Variants in DCLRE1A observed in about 807,000 individuals in gnomAD.
The protein encoded by DCLRE1A is DNA cross-link repair 1A, also known as DNA cross-link repair 1A protein.
A neutral mutation model predicts 91.9 loss-of-function variants in DCLRE1A; 64 were observed. The observed-to-expected ratio is 0.70, with a 90% CI of 0.57 to 0.86. The LOEUF (loss-of-function observed/expected upper bound fraction) is 0.86. Ranked by LOEUF, DCLRE1A falls within the 40% of genes least tolerant of loss-of-function variation. The pLI, the probability that DCLRE1A is intolerant of heterozygous loss-of-function variation, is 0.00. For synonymous variants in DCLRE1A, 416 were observed against 431.1 expected, an observed-to-expected ratio of 0.96 and a Z score of 0.43; for missense variants, 1,145 against 1,213.3, an observed-to-expected ratio of 0.94 and a Z score of 0.84.
At position 113,849,504 on chromosome 10, in the gene DCLRE1A, T is replaced by A; in HGVS notation, c.1601A>T (p.Tyr534Phe). The A allele has an allele frequency of 1.2e-6, 2 of 1,614,008 alleles. No homozygotes were observed. The highest frequency in any genetic ancestry group is 1.7e-6 in the Non-Finnish European group (2 of 1,180,024). ...ENLSSTPAPK[Y>F]LKILPSGLKY... ...AAGACCAGAAGGCAATATTTTCAAA[T>A]ACTTCGGAGCAGGTGTACTAGACAA... is the stretch of plus-strand genomic sequence containing the variant. The change falls in exon 2 of 9, where the codon TAT becomes TTT. Residue 534 changes from tyrosine (Y) to phenylalanine (F), a missense_variant. Tyr to Phe is a conservative substitution (Grantham distance 22). Transcript: ENST00000361384.
At chr10:113,844,690 C>G (rs1008370046) in intron 4 of DCLRE1A, among the ~76,000 whole-genome samples, 1 of 152,110 alleles carries the variant, frequency 6.6e-6, no homozygotes, top group African/African-American at 2.4e-5. Flanking sequence ...AATCCCAGCA[C>G]TTTGGGAGGC....
intron 6 of DCLRE1A, 98 bp from the exon 7 acceptor site, chr10:113,841,658 A>C: frequency 7.8e-7 from 1 of 1,283,204 alleles, no homozygotes; most frequent in Non-Finnish European, 1.1e-6. Context: ...ACCAAATAAA[A>C]GGAAATTCAA....
chr10:113,849,150 C>A lies in DCLRE1A; in HGVS notation c.1955G>T (p.Arg652Ile). 3.1e-6 allele frequency: 5 copies of A among 1,614,098 alleles called. No homozygotes were observed. Among genetic ancestry groups the A allele is most frequent in the Non-Finnish European group, 4.2e-6 (5 of 1,180,012 alleles). The change falls in exon 2 of 9, where the codon AGA becomes ATA. Residue 652 changes from arginine (R) to isoleucine (I), a missense_variant. By Grantham distance (97) the Arg-to-Ile change is moderately conservative (BLOSUM62 -3). Coordinates refer to ENST00000361384, the MANE Select transcript of DCLRE1A (RefSeq NM_014881.5). ...TTCTGTATTAATAAGGTGATCTGAT[C>A]TCTTCTGACACGCTCCTTCCTGCAG... ...NSLQEGACQK[R>I]SDHLINTESE...
In DCLRE1A at chr10:113,841,528, T is replaced by C. The variant is rs1345257093; in HGVS notation, c.2698A>G (p.Met900Val). 1 of 1,611,792 alleles carries C rather than the reference T, an allele frequency of 6.2e-7. No individual in the cohort carries two copies. Among genetic ancestry groups the C allele is most frequent in the South Asian group, 1.1e-5 (1 of 90,538 alleles). ...AGAGTTTTATATTTTTCCTGGGACA[T>C]GCCCACTTTTGAACCTAAAACATCA... ...IADVLGSKVG[M>V]SQEKYKTLQC... is the part of the protein sequence containing the mutation. The change falls in exon 7 of 9, where the codon ATG (methionine) becomes GTG (valine). Residue 900 changes from methionine to valine, a missense_variant. Coordinates refer to ENST00000361384, the MANE Select transcript of DCLRE1A (RefSeq NM_014881.5).
intron 7 of DCLRE1A, among the ~76,000 whole-genome samples, chr10:113,839,364 A>T: frequency 6.6e-6 from 1 of 151,644 alleles, no homozygotes; most frequent in South Asian, 2.1e-4. Context: ...ATCTTCCGAA[A>T]ATATTTGGGT....
intron 8 of DCLRE1A, among the ~76,000 whole-genome samples, chr10:113,836,592 A>G (rs1845366283): frequency 6.6e-6 from 1 of 152,144 alleles, no homozygotes; most frequent in Admixed American, 6.5e-5. Context: ...GGCTGAGGGT[A>G]AATCACTGGT....
chr10:113,836,998 C>T (rs957719578), intron 8 of DCLRE1A, 64 bp downstream of exon 8: 1 of 1,400,850 alleles, frequency 7.1e-7, no homozygotes, highest in African/African-American at 1.5e-5. Context: ...AACCTTATTA[C>T]ATTTTTTAAA....
upstream of DCLRE1A, chr10:113,854,225 G>C (rs1021048250): frequency 3.9e-5 from 6 of 152,270 alleles, no homozygotes; most frequent in African/African-American, 1.4e-4. Flanking sequence ...CTAAAAATGT[G>C]TTCGCGCCCG....
intron 7 of DCLRE1A, among the ~76,000 whole-genome samples, chr10:113,840,455 G>C (rs934410330): frequency 2.6e-5 from 4 of 152,148 alleles, no homozygotes. Context: ...CTGTCAGAGA[G>C]GAAGAGGTGG....
At chr10:113,839,132 T>C (rs1202437509) in intron 7 of DCLRE1A, among the ~76,000 whole-genome samples, 3 of 152,064 alleles carry the variant, frequency 2.0e-5, no homozygotes, top group Non-Finnish European at 4.4e-5. Flanking sequence ...GAGACCATCC[T>C]GGCTAACACG....
chr10:113,835,480 T>A (rs896377506), intron 8 of DCLRE1A, among the ~76,000 whole-genome samples, 168 bp from the exon 9 acceptor site: 3 of 152,248 alleles, frequency 2.0e-5, no homozygotes, highest in Admixed American at 2.0e-4. Context: ...ATATCTTTTA[T>A]GAATAATAAA....
chr10:113,846,092 C>T (rs1845533605), intron 3 of DCLRE1A, among the ~76,000 whole-genome samples: 1 of 152,088 alleles, frequency 6.6e-6, no homozygotes, highest in African/African-American at 2.4e-5. Flanking sequence ...CCTGTTATTC[C>T]CTACCTTGTG....
In DCLRE1A at chr10:113,850,136, C is replaced by T. The variant is rs146740996; in HGVS notation, c.969G>A (p.Leu323=). The T allele has an allele frequency of 4.3e-6, 7 of 1,613,380 alleles. No homozygotes were observed. The highest frequency in any genetic ancestry group is 2.7e-5 in the African/African-American group (2 of 74,814). ...DEKPDDSQEQ[L]FFTESSKDGS... ...CATCTTTTGAGCTTTCGGTAAAAAACAGTTGTTCTTGTGAATCATCCGGTT... is the reference window on the plus strand; with the variant it reads ...CATCTTTTGAGCTTTCGGTAAAAAATAGTTGTTCTTGTGAATCATCCGGTT... The change falls in exon 2 of 9, where the codon CTG becomes CTA. Residue 323 remains leucine (L), a synonymous_variant. Coordinates refer to ENST00000361384, the MANE Select transcript of DCLRE1A (RefSeq NM_014881.5).
intron 5 of DCLRE1A, among the ~76,000 whole-genome samples, chr10:113,843,266 GAAGAGT>G (rs1279221126): frequency 3.9e-5 from 6 of 152,148 alleles, no homozygotes; most frequent in African/African-American, 1.4e-4. Flanking sequence ...AACTACTAGA[GAAGAGT>G]AAGAATAACC....
intron 7 of DCLRE1A, among the ~76,000 whole-genome samples, chr10:113,840,220 G>A (rs1845423860): frequency 6.6e-6 from 1 of 151,870 alleles, no homozygotes; most frequent in African/African-American, 2.4e-5. Flanking sequence ...TTTGAACCTG[G>A]GAGGCAGAGG....
Position 113,849,338 on chromosome 10 carries a change from TGG to T in DCLRE1A, c.1765_1766del (p.Pro589LysfsTer3). On this transcript the variant is annotated frameshift_variant, in exon 2 of 9. Transcript: ENST00000361384. LOFTEE classifies it high-confidence loss of function. ...ALEGINLNPV[P>X]SPNQKRSSQC... is the part of the protein sequence containing the mutation. Reference sequence around the variant, plus strand: ...GCGAGGACCTCTTTTGATTAGGACTTGGAACTGGATTTAAGTTTATCCCTTCT... The same window carrying T: ...GCGAGGACCTCTTTTGATTAGGACTTAACTGGATTTAAGTTTATCCCTTCT... 1 of 1,614,182 alleles carries T rather than the reference TGG, an allele frequency of 6.2e-7. No individual in the cohort carries two copies. Among genetic ancestry groups the T allele is most frequent in the South Asian group, 1.1e-5 (1 of 91,076 alleles).
chr10:113,835,234 G>A lies in DCLRE1A; in HGVS notation c.3041C>T (p.Pro1014Leu). 2 of 1,614,060 alleles carry A rather than the reference G, an allele frequency of 1.2e-6. No individual in the cohort carries two copies. Among genetic ancestry groups the A allele is most frequent in the Non-Finnish European group, 1.7e-6 (2 of 1,180,002 alleles). ...VQWLKPQKII[P>L]TVNVGTWKSR... The stretch of plus-strand genomic sequence containing the variant: ...TTTCCAGGTGCCCACATTTACAGTA[G>A]GTATGATTTTCTGGGGCTTCAGCCA... The change falls in exon 9 of 9, where the codon CCT becomes CTT. Residue 1014 changes from proline to leucine, a missense_variant. Pro to Leu is a moderately conservative substitution (Grantham distance 98, BLOSUM62 -3). Transcript: ENST00000361384.
At chr10:113,845,223 G>GA (rs566102659) in intron 4 of DCLRE1A, among the ~76,000 whole-genome samples, 1 of 151,672 alleles carries the variant, frequency 6.6e-6, no homozygotes, top group Admixed American at 6.6e-5. Context: ...CCATTTCCAA[G>GA]AAAAAAAAGT....
At position 113,835,069 on chromosome 10, in the gene DCLRE1A, G is replaced by A. The variant is rs1845342107; in HGVS notation, c.*83C>T. On this transcript the variant is annotated 3_prime_UTR_variant, in exon 9 of 9. Coordinates refer to ENST00000361384, the MANE Select transcript of DCLRE1A (RefSeq NM_014881.5). ...TCTTCATGAGGTTTTTCCACACAAAGTGTATTTCACATTTCTATAGATTTA... is the reference window on the plus strand; with the variant it reads ...TCTTCATGAGGTTTTTCCACACAAAATGTATTTCACATTTCTATAGATTTA... 3 of 1,332,084 alleles carry A rather than the reference G, an allele frequency of 2.3e-6. No individual in the cohort carries two copies. Among genetic ancestry groups the A allele is most frequent in the East Asian group, 4.7e-5 (2 of 42,490 alleles). 82.5% of individuals were successfully genotyped at this position (1,332,084 alleles called of 1,614,324 possible).
Sources: allele counts gnomAD v4.1 joint callset (sites outside exome capture counted in the v4.1 genomes callset), GRCh38; gene constraint gnomAD v4.1.1; transcripts MANE v1.5; gene names NCBI Gene and HGNC (gene_info 2026-07-23, HGNC 2026-07-21).